SGPP2: variants seen among roughly 807,000 people sequenced by gnomAD.
SGPP2 encodes sphingosine 1-phosphate phosphohydrolase 2.
A neutral mutation model predicts 33.9 loss-of-function variants in SGPP2; 30 were observed. That is an observed-to-expected ratio of 0.89 (90% CI 0.66 to 1.20). SGPP2 has a LOEUF of 1.20. Among genes scored for constraint, SGPP2 ranks in the 50% most tolerant of loss-of-function variants. The pLI, the probability that SGPP2 is intolerant of heterozygous loss-of-function variation, is 0.00. For missense variants in SGPP2, 458 were observed against 532.1 expected, an observed-to-expected ratio of 0.86 and a Z score of 1.37; for synonymous variants, 233 against 225.0, an observed-to-expected ratio of 1.04 and a Z score of -0.32.
At chr2:222,555,503 A>C (rs1023358436) in intron 4 of SGPP2, among the ~76,000 whole-genome samples, 1 of 101,108 alleles carries the variant, frequency 9.9e-6, no homozygotes, top group Non-Finnish European at 1.9e-5. Flanking sequence ...AGATTGGTTT[A>C]AGGGAGCTGA....
At chr2:222,443,759 C>A (rs1041762160) in intron 1 of SGPP2, among the ~76,000 whole-genome samples, 1 of 152,184 alleles carries the variant, frequency 6.6e-6, no homozygotes, top group African/African-American at 2.4e-5. Context: ...TGGCCCCTCA[C>A]AGAGGTCTGT....
At chr2:222,442,664 T>C (rs1003401129) in intron 1 of SGPP2, among the ~76,000 whole-genome samples, 6 of 152,360 alleles carry the variant, frequency 3.9e-5, no homozygotes, top group African/African-American at 1.2e-4. Flanking sequence ...TAAATGAGTT[T>C]CTTTTGGCTA....
Position 222,547,494 on chromosome 2 carries a change from A to G in SGPP2, c.649-10853A>G, listed in dbSNP as rs927787747. Among the ~76,000 whole-genome samples, 9 of 152,358 alleles carry G rather than the reference A, an allele frequency of 5.9e-5. No homozygotes were observed. The South Asian group carries it at 1.0e-3, about 18-fold the overall frequency. On this transcript the variant is annotated intron_variant, in intron 4 of 4. Transcript: ENST00000321276. ...TTGTTAGATTCTGTGAAGTCAAGAC[A>G]AGCAAGTGATTATATCCTAAATCAT...
intron 1 of SGPP2, among the ~76,000 whole-genome samples, chr2:222,456,978 T>G (rs1196130922): frequency 3.3e-5 from 5 of 152,138 alleles, no homozygotes; most frequent in African/African-American, 1.2e-4. Flanking sequence ...CTCTCATGGT[T>G]AAACTCATTA....
chr2:222,474,296 A>T (rs1697896013), intron 1 of SGPP2, among the ~76,000 whole-genome samples: 2 of 152,234 alleles, frequency 1.3e-5, no homozygotes, highest in African/African-American at 4.8e-5. Context: ...TGCATATACA[A>T]GAAAAAAGTT....
chr2:222,444,513 TC>T (rs1697371488), intron 1 of SGPP2, among the ~76,000 whole-genome samples: 1 of 152,220 alleles, frequency 6.6e-6, no homozygotes, highest in Non-Finnish European at 1.5e-5. Flanking sequence ...CTGTGAACCC[TC>T]TGGGGTGGAT....
chr2:222,513,295 A>C (rs151209518), intron 2 of SGPP2, among the ~76,000 whole-genome samples: 82 of 152,322 alleles, frequency 5.4e-4, no homozygotes, highest in African/African-American at 1.8e-3. Flanking sequence ...CAGACCCAGT[A>C]CTTCTTTTTT....
intron 2 of SGPP2, among the ~76,000 whole-genome samples, chr2:222,494,180 AT>A: frequency 6.6e-6 from 1 of 152,284 alleles, no homozygotes; most frequent in Non-Finnish European, 1.5e-5. Context: ...CACTCCTTCT[AT>A]TTTATGGAAT....
chr2:222,520,468 C>T (rs144342643), intron 2 of SGPP2, among the ~76,000 whole-genome samples: 7 of 152,260 alleles, frequency 4.6e-5, no homozygotes, highest in South Asian at 2.1e-4. Flanking sequence ...TGGCAGCTCA[C>T]GTCTGTAATC....
At chr2:222,469,985 G>T (rs1574846945) in intron 1 of SGPP2, among the ~76,000 whole-genome samples, 1 of 152,246 alleles carries the variant, frequency 6.6e-6, no homozygotes, top group African/African-American at 2.4e-5. Flanking sequence ...GAAGCTGGAA[G>T]CCATCATTCT....
chr2:222,544,895 A>G (rs1033872964), intron 4 of SGPP2, among the ~76,000 whole-genome samples: 1 of 152,190 alleles, frequency 6.6e-6, no homozygotes, highest in Admixed American at 6.5e-5. Flanking sequence ...GGGCTCTGAA[A>G]TGCACTTTTA....
intron 2 of SGPP2, among the ~76,000 whole-genome samples, chr2:222,487,224 T>G (rs1698125100): frequency 6.6e-6 from 1 of 152,214 alleles, no homozygotes; most frequent in Admixed American, 6.5e-5. Flanking sequence ...ATAATCCAAG[T>G]GAAAATTGCT....
At position 222,529,297 on chromosome 2, in the gene SGPP2, A is replaced by G. The variant is rs144585383; in HGVS notation, c.648+4264A>G. Among the ~76,000 whole-genome samples, 1,237 of 152,198 alleles carry G rather than the reference A, an allele frequency of 8.1e-3. 19 individuals are homozygous for G. The highest frequency in any genetic ancestry group is 0.028 in the African/African-American group (1,174 of 41,544). On this transcript the variant is annotated intron_variant, in intron 4 of 4. Coordinates refer to ENST00000321276, the MANE Select transcript of SGPP2 (RefSeq NM_152386.4). ...ATTGCAGCAATTCAGTCACATCTTCAGGCTCCACATCTAATTCTAGTTCTC... is the reference window on the plus strand; with the variant it reads ...ATTGCAGCAATTCAGTCACATCTTCGGGCTCCACATCTAATTCTAGTTCTC...
chr2:222,558,868 G>A lies in SGPP2; in HGVS notation c.1170G>A (p.Pro390=), dbSNP rs185810977. The change falls in exon 5 of 5, where the codon CCG becomes CCA. Residue 390 remains proline, a synonymous_variant. Coordinates refer to ENST00000321276, the MANE Select transcript of SGPP2 (RefSeq NM_152386.4). The part of the protein sequence containing the change: ...SVGICATTFV[P]MLHRFLGLP Reference sequence around the variant, plus strand: ...GCATCTGCGCTACAACCTTTGTGCCGATGCTTCACAGGTTTCTGGGATTAC... The same window carrying A: ...GCATCTGCGCTACAACCTTTGTGCCAATGCTTCACAGGTTTCTGGGATTAC... 1.6e-4 allele frequency: 250 copies of A among 1,609,908 alleles called. 3 individuals carry two copies. In the East Asian group the frequency reaches 3.9e-3, roughly 25 times the overall value.
At chr2:222,491,293 C>G (rs2099551) in intron 2 of SGPP2, among the ~76,000 whole-genome samples, 4,925 of 152,184 alleles carry the variant, frequency 0.032, 152 homozygotes, top group African/African-American at 0.076. Context: ...TACCACCATG[C>G]CTGGCTAAGT....
chr2:222,456,812 T>C (rs1462787108), intron 1 of SGPP2, among the ~76,000 whole-genome samples: 1 of 152,194 alleles, frequency 6.6e-6, no homozygotes, highest in Non-Finnish European at 1.5e-5. Flanking sequence ...ATAAAAATAA[T>C]TCCCAAAGCA....
At position 222,559,159 on chromosome 2, in the gene SGPP2, G is replaced by A. The variant is rs879069283; in HGVS notation, c.*261G>A. ...ATCCGGATCTTTAAAGGCACACACC[G>A]CGCCCCCCCCCCCCCCGCCCGGCCC... is the stretch of plus-strand genomic sequence containing the variant. On this transcript the variant is annotated 3_prime_UTR_variant, in exon 5 of 5. Coordinates refer to ENST00000321276, the MANE Select transcript of SGPP2 (RefSeq NM_152386.4). 6.9e-3 allele frequency: 179 copies of A among 25,920 alleles called. 16 individuals carry two copies. The East Asian group carries it at 0.11, about 15-fold the overall frequency. The allele number at this position is 25,920 out of a possible 1,614,324, so 1.6% of individuals were successfully genotyped here.
intron 4 of SGPP2, among the ~76,000 whole-genome samples, chr2:222,548,235 A>G (rs1689235317): frequency 6.6e-6 from 1 of 152,362 alleles, no homozygotes; most frequent in East Asian, 1.9e-4. Flanking sequence ...CTTTGCCCCC[A>G]TATGACATGG....
At chr2:222,530,802 C>T (rs1170764639) in intron 4 of SGPP2, among the ~76,000 whole-genome samples, 1 of 152,176 alleles carries the variant, frequency 6.6e-6, no homozygotes, top group Non-Finnish European at 1.5e-5. Flanking sequence ...GTACAAGAGG[C>T]TTAGCTTTTG....
Sources: allele counts gnomAD v4.1 joint callset (sites outside exome capture counted in the v4.1 genomes callset), GRCh38; gene constraint gnomAD v4.1.1; transcripts MANE v1.5; gene names NCBI Gene and HGNC (gene_info 2026-07-23, HGNC 2026-07-21).